RARA: variants seen among roughly 807,000 people sequenced by gnomAD.
RARA encodes the protein PML-DDX5-RARA fusion.
Under a neutral mutation model 42.8 loss-of-function variants are expected in RARA, and 5 were observed. The ratio of observed to expected loss-of-function variants is 0.12; its 90% CI spans 0.06 to 0.25. The LOEUF (loss-of-function observed/expected upper bound fraction) is 0.25, where lower values mean the gene tolerates loss of function less well. RARA is among the 10% of genes least tolerant of loss of function. The pLI, the probability that RARA is intolerant of heterozygous loss-of-function variation, is 1.00. For synonymous variants in RARA, 256 were observed against 259.5 expected, an observed-to-expected ratio of 0.99 and a Z score of 0.13; for missense variants, 402 against 628.7, an observed-to-expected ratio of 0.64 and a Z score of 3.86.
At chr17:40,322,513 G>A (rs1252997291) in intron 1 of RARA, among the ~76,000 whole-genome samples, 1 of 152,100 alleles carries the variant, frequency 6.6e-6, no homozygotes, top group Non-Finnish European at 1.5e-5. Flanking sequence ...CCCACTCGCT[G>A]TGTGTCTGTG....
intron 2 of RARA, chr17:40,341,814 A>G: frequency 8.5e-7 from 1 of 1,180,308 alleles, no homozygotes; most frequent in Non-Finnish European, 1.1e-6. Context: ...ACCTTGGGGG[A>G]GCCTGGGAGC....
rs112174694 is a variant in RARA, at chr17:40,333,105, A to C, written c.178+1709A>C. On this transcript the variant is annotated intron_variant, in intron 2 of 8. Transcript: ENST00000254066. ...TGCTCTGTCACCGAGGCTGGAGTGC[A>C]GTGGTGCGATCTCGGCTCACTGCAA... is the stretch of plus-strand genomic sequence containing the variant. Among the ~76,000 whole-genome samples, 1,007 of 152,260 alleles carry C rather than the reference A, an allele frequency of 6.6e-3. 10 individuals carry two copies. Among genetic ancestry groups the C allele is most frequent in the African/African-American group, 0.021 (859 of 41,522 alleles).
chr17:40,311,458 C>G (rs1395897135), intron 1 of RARA, among the ~76,000 whole-genome samples: 1 of 152,136 alleles, frequency 6.6e-6, no homozygotes, highest in Non-Finnish European at 1.5e-5. Context: ...CTGACTCTGA[C>G]AAGGAGGAAA....
At chr17:40,313,619 C>T (rs938046858) in intron 1 of RARA, among the ~76,000 whole-genome samples, 3 of 152,146 alleles carry the variant, frequency 2.0e-5, no homozygotes, top group Admixed American at 6.5e-5. Context: ...CAAATTAGTT[C>T]AGACCCACCT....
intron 2 of RARA, chr17:40,340,875 C>T (rs189278507): frequency 4.5e-5 from 18 of 400,210 alleles, no homozygotes; most frequent in Non-Finnish European, 7.1e-5. Context: ...AGTTCAAATA[C>T]CTGCTCTACT....
intron 2 of RARA, chr17:40,341,121 CCCAAG>C (rs1233167493): frequency 2.4e-6 from 1 of 411,256 alleles, no homozygotes; most frequent in Non-Finnish European, 4.3e-6. Flanking sequence ...TAGGGACCTA[CCCAAG>C]CTAGGCCTTT....
intron 2 of RARA, chr17:40,342,697 G>A (rs2034110935): frequency 5.6e-6 from 9 of 1,607,696 alleles, no homozygotes; most frequent in Non-Finnish European, 7.6e-6. Context: ...TTGCCTTCGA[G>A]GGGAAAGATG....
At chr17:40,348,540 G>A (rs938347627) in intron 3 of RARA, 76 bp downstream of exon 3, 5 of 1,505,098 alleles carry the variant, frequency 3.3e-6, no homozygotes, top group Non-Finnish European at 4.5e-6. Context: ...TCCTGGGAGT[G>A]TGCAGTTGGG....
rs894375914 is a variant in RARA, at chr17:40,348,549, G to T, written c.327+85G>T. 6 of 1,465,590 alleles carry T rather than the reference G, an allele frequency of 4.1e-6. No individual in the cohort carries two copies. In the Admixed American group the frequency reaches 7.1e-5, roughly 17 times the overall value. 90.8% of individuals were successfully genotyped at this position (1,465,590 alleles called of 1,614,324 possible). A position where few individuals can be genotyped will look rare whatever the true frequency, so the allele number is the denominator to read the frequency against. Reference sequence around the variant, plus strand: ...TCTGTGTCCTGGGAGTGTGCAGTTGGGGGGTGTCCCTGAAGTTGCTGCTCT... The same window carrying T: ...TCTGTGTCCTGGGAGTGTGCAGTTGTGGGGTGTCCCTGAAGTTGCTGCTCT... On this transcript the variant is annotated intron_variant, in intron 3 of 8. Coordinates refer to ENST00000254066, the MANE Select transcript of RARA (RefSeq NM_000964.4).
In RARA at chr17:40,345,098, A is replaced by AG. The variant is rs34417438; in HGVS notation, c.179-3212dup. The AG allele has an allele frequency of 3.3e-5, 5 of 153,656 alleles. No individual in the cohort carries two copies. Among genetic ancestry groups the AG allele is most frequent in the African/African-American group, 4.8e-5 (2 of 41,450 alleles). 9.5% of individuals were successfully genotyped at this position (153,656 alleles called of 1,614,324 possible). A position where few individuals can be genotyped will look rare whatever the true frequency, so the allele number is the denominator to read the frequency against. The stretch of plus-strand genomic sequence containing the variant: ...CCTCATTTCGGTGCATTAGAGGACA[A>AG]GGGGGGTGCACAGGATGTGGCTCCC... On this transcript the variant is annotated intron_variant, in intron 2 of 8. Coordinates refer to ENST00000254066, the MANE Select transcript of RARA (RefSeq NM_000964.4). This position sits in a 1 kb window ranked among gnomAD's most constrained non-coding sequence, Gnocchi z 4.8.
chr17:40,341,158 C>T, intron 2 of RARA: 1 of 453,878 alleles, frequency 2.2e-6, no homozygotes, highest in Non-Finnish European at 3.7e-6. Context: ...ACGTGCATCC[C>T]GAGGGCTTCT....
chr17:40,322,196 C>T (rs1369316548), intron 1 of RARA, among the ~76,000 whole-genome samples: 2 of 151,912 alleles, frequency 1.3e-5, no homozygotes, highest in Admixed American at 1.3e-4. Context: ...CATTCCCCCA[C>T]CTTCAGCCAA....
chr17:40,343,689 C>T (rs966779343), intron 2 of RARA, among the ~76,000 whole-genome samples: 1 of 152,190 alleles, frequency 6.6e-6, no homozygotes, highest in Non-Finnish European at 1.5e-5. Context: ...CCAGCTCCGC[C>T]ACCGAGTCCT....
In RARA at chr17:40,334,422, C is replaced by T. The variant is rs182862420; in HGVS notation, c.178+3026C>T. ...TTCTGAGCTTCTCACTGACCTTCCTCTTCTCTGGGACAAGGTGTGGCCATG... is the reference window on the plus strand; with the variant it reads ...TTCTGAGCTTCTCACTGACCTTCCTTTTCTCTGGGACAAGGTGTGGCCATG... On this transcript the variant is annotated intron_variant, in intron 2 of 8. Coordinates refer to ENST00000254066, the MANE Select transcript of RARA (RefSeq NM_000964.4). 2.4e-4 allele frequency among the ~76,000 whole-genome samples: 37 copies of T among 152,326 alleles called. No homozygotes were observed. The East Asian group carries it at 6.8e-3, about 28-fold the overall frequency.
chr17:40,326,507 CTAGGGATGCTGA>C lies in RARA; in HGVS notation c.-362-4348_-362-4337del, dbSNP rs1212476861. On this transcript the variant is annotated intron_variant, in intron 1 of 8. Transcript: ENST00000254066. This position sits in a 1 kb window ranked among gnomAD's most constrained non-coding sequence, Gnocchi z 5.2. ...ACTCTGGGGTGTAACGCGTGGGCAG[CTAGGGATGCTGA>C]TGCTGGAGAAGGGATCCTGGCACCT... 1 of 152,326 alleles carries C rather than the reference CTAGGGATGCTGA, an allele frequency of 6.6e-6. No individual in the cohort carries two copies. The highest frequency in any genetic ancestry group is 1.5e-5 in the Non-Finnish European group (1 of 68,110). 9.4% of individuals were successfully genotyped at this position (152,326 alleles called of 1,614,324 possible).
intron 1 of RARA, among the ~76,000 whole-genome samples, chr17:40,323,601 C>T (rs187657834): frequency 1.3e-5 from 2 of 151,896 alleles, no homozygotes; most frequent in African/African-American, 2.4e-5. Flanking sequence ...AGGGGAAGGC[C>T]ATGGGGATCT....
At position 40,351,161 on chromosome 17, in the gene RARA, T is replaced by G. The variant is rs867151294; in HGVS notation, c.470-749T>G. Among the ~76,000 whole-genome samples, 2 of 150,776 alleles carry G rather than the reference T, an allele frequency of 1.3e-5. No homozygotes were observed. The highest frequency in any genetic ancestry group is 1.3e-4 in the Admixed American group (2 of 15,176). ...TCCCTCTCCCTTCTCTCCCCTGCAC[T>G]TTATTGAATTTGCAGAATCGACATG... On this transcript the variant is annotated intron_variant, in intron 4 of 8. Transcript: ENST00000254066. This position sits in a 1 kb window ranked among gnomAD's most constrained non-coding sequence, Gnocchi z 4.1.
Position 40,349,918 on chromosome 17 carries a change from C to T in RARA, c.462C>T (p.Ser154=), listed in dbSNP as rs763751907. The stretch of plus-strand genomic sequence containing the variant: ...AGAAGTGCTTTGAAGTGGGCATGTC[C>T]AAGGAGTGTGAGTGCCATAGGGCAG... The part of the protein sequence containing the change: ...RLQKCFEVGM[S]KESVRNDRNK... The change falls in exon 4 of 9, where the codon TCC becomes TCT. Residue 154 remains serine, a synonymous_variant. Coordinates refer to ENST00000254066, the MANE Select transcript of RARA (RefSeq NM_000964.4). 1.2e-5 allele frequency: 20 copies of T among 1,613,954 alleles called. No homozygotes were observed. The highest frequency in any genetic ancestry group is 1.6e-5 in the Non-Finnish European group (19 of 1,179,918).
chr17:40,334,335 C>T (rs983619145), intron 2 of RARA, among the ~76,000 whole-genome samples: 1 of 151,890 alleles, frequency 6.6e-6, no homozygotes, highest in Admixed American at 6.6e-5. Context: ...CTTTTGGTTT[C>T]CCTGCCCCTC....
Sources: gnomAD v4.1 joint callset for allele counts (sites outside exome capture counted in the v4.1 genomes callset) on GRCh38, gnomAD v4.1.1 for gene constraint, Gnocchi (gnomAD v3.1) non-coding constraint, MANE v1.5 for transcripts, NCBI Gene and HGNC (gene_info 2026-07-23, HGNC 2026-07-21) for gene names.